LINGO2: variants seen among roughly 807,000 people sequenced by gnomAD.
LINGO2 encodes leucine rich repeat and Ig domain containing 2, also known as leucine-rich repeat and immunoglobulin-like domain-containing nogo receptor-interacting protein 2.
Under a neutral mutation model 30.6 loss-of-function variants are expected in LINGO2, and 14 were observed. That is an observed-to-expected ratio of 0.46 (90% CI 0.30 to 0.72). The LOEUF (loss-of-function observed/expected upper bound fraction) is 0.72. Among genes scored for constraint, LINGO2 ranks in the 30% least tolerant of loss-of-function variants. The probability of loss-of-function intolerance (pLI) is 0.07; values close to 1 mark genes in which losing one functional copy is unlikely to be tolerated. For missense variants in LINGO2, 729 were observed against 751.7 expected (o/e 0.97, Z 0.35); for synonymous variants, 317 against 288.5 (o/e 1.10, Z -1.00).
intron 3 of LINGO2, among the ~76,000 whole-genome samples, chr9:28,300,882 G>GT (rs1397548909): frequency 6.7e-6 from 1 of 150,302 alleles, no homozygotes; most frequent in African/African-American, 2.5e-5. Context: ...CATTGAACAT[G>GT]TCAGAACATG....
chr9:28,807,802 A>G, the LINGO2 span, among the ~76,000 whole-genome samples: 1 of 152,146 alleles, frequency 6.6e-6, no homozygotes, highest in Non-Finnish European at 1.5e-5. Flanking sequence ...ATAATTATCA[A>G]TTTACCAATT....
At chr9:29,035,357 A>G in the LINGO2 span, among the ~76,000 whole-genome samples, 1 of 151,972 alleles carries the variant, frequency 6.6e-6, no homozygotes, top group African/African-American at 2.4e-5. Context: ...CTATCTTTTC[A>G]TTTAGTTTGA....
At chr9:28,047,186 T>C (rs1405600334) in intron 4 of LINGO2, among the ~76,000 whole-genome samples, 2 of 152,122 alleles carry the variant, frequency 1.3e-5, no homozygotes, top group Non-Finnish European at 2.9e-5. Context: ...GTACTTCGTC[T>C]TTCGGCCACT....
At chr9:29,113,109 T>C in the LINGO2 span, among the ~76,000 whole-genome samples, 3 of 152,348 alleles carry the variant, frequency 2.0e-5, no homozygotes, top group Middle Eastern at 3.4e-3. Flanking sequence ...AAAAAGTTCA[T>C]GGAAAACGCA....
At chr9:28,458,103 G>T (rs983118272) in intron 2 of LINGO2, among the ~76,000 whole-genome samples, 1 of 152,130 alleles carries the variant, frequency 6.6e-6, no homozygotes, top group Admixed American at 6.6e-5. Context: ...TTTAGGAATT[G>T]GTGGGACTAC....
At chr9:28,356,975 A>T (rs1422095412) in intron 3 of LINGO2, among the ~76,000 whole-genome samples, 1 of 152,064 alleles carries the variant, frequency 6.6e-6, no homozygotes, top group East Asian at 1.9e-4. Context: ...TTCAAAGTAA[A>T]AATGTTTATT....
the LINGO2 span, among the ~76,000 whole-genome samples, chr9:29,070,229 G>A: frequency 6.6e-6 from 1 of 152,048 alleles, no homozygotes; most frequent in African/African-American, 2.4e-5. Context: ...CTAACAAATT[G>A]TGGCAAGAGA....
chr9:28,836,645 T>G, the LINGO2 span, among the ~76,000 whole-genome samples: 4 of 152,068 alleles, frequency 2.6e-5, no homozygotes, highest in East Asian at 1.9e-4. Flanking sequence ...TTTAAAATTT[T>G]TATTCAATAT....
intron 5 of LINGO2, among the ~76,000 whole-genome samples, chr9:27,962,079 T>A (rs1195588344): frequency 6.6e-6 from 1 of 152,178 alleles, no homozygotes; most frequent in African/African-American, 2.4e-5. Flanking sequence ...GCTTTTAGAA[T>A]TTCTTTGGTA....
the LINGO2 span, among the ~76,000 whole-genome samples, chr9:28,895,804 T>C: frequency 6.6e-6 from 1 of 151,984 alleles, no homozygotes; most frequent in Non-Finnish European, 1.5e-5. Context: ...TTATGTTACT[T>C]AGATATAAGA....
the LINGO2 span, among the ~76,000 whole-genome samples, chr9:28,825,563 ATC>A: frequency 4.8e-3 from 278 of 58,166 alleles, no homozygotes; most frequent in South Asian, 0.022. Flanking sequence ...GCTCATTTGT[ATC>A]TGGTTTTTTT....
intron 4 of LINGO2, among the ~76,000 whole-genome samples, chr9:28,105,917 C>T (rs1826576893): frequency 6.6e-6 from 1 of 151,970 alleles, no homozygotes; most frequent in Non-Finnish European, 1.5e-5. Flanking sequence ...AATCAGGGGT[C>T]CCCAGTACCC....
chr9:29,166,364 A>C, the LINGO2 span, among the ~76,000 whole-genome samples: 2 of 152,102 alleles, frequency 1.3e-5, no homozygotes, highest in African/African-American at 4.8e-5. Context: ...TAGGTGGGTA[A>C]GCAAGTAGGT....
intron 1 of LINGO2, among the ~76,000 whole-genome samples, chr9:28,514,161 C>T (rs551703505): frequency 2.0e-5 from 3 of 152,196 alleles, no homozygotes; most frequent in Non-Finnish European, 4.4e-5. Flanking sequence ...GGCTGCTCCA[C>T]TGAAAAGCCA....
At chr9:28,307,969 T>C (rs1824439107) in intron 3 of LINGO2, among the ~76,000 whole-genome samples, 1 of 151,782 alleles carries the variant, frequency 6.6e-6, no homozygotes, top group South Asian at 2.1e-4. Context: ...TGCTCATGGG[T>C]AGGAAGAATC....
At chr9:28,991,287 AAATG>A in the LINGO2 span, among the ~76,000 whole-genome samples, 322 of 151,708 alleles carry the variant, frequency 2.1e-3, no homozygotes, top group Non-Finnish European at 3.9e-3. Flanking sequence ...GAAATGAATG[AAATG>A]AAGCGAGAAG....
chr9:29,155,188 T>C, the LINGO2 span, among the ~76,000 whole-genome samples: 1 of 152,166 alleles, frequency 6.6e-6, no homozygotes, highest in East Asian at 1.9e-4. Context: ...GAAGAAATAA[T>C]GCCCTTAAGG....
At chr9:28,522,048 A>G (rs1564263600) in intron 1 of LINGO2, among the ~76,000 whole-genome samples, 1 of 152,188 alleles carries the variant, frequency 6.6e-6, no homozygotes. Context: ...ATAAATTTCT[A>G]TTTTTTAAGT....
chr9:28,262,831 CA>C (rs1334464250), intron 4 of LINGO2, among the ~76,000 whole-genome samples: 3 of 151,934 alleles, frequency 2.0e-5, no homozygotes, highest in African/African-American at 4.8e-5. Context: ...CCATGAACTT[CA>C]ATTTTCAGTA....
Sources: gnomAD v4.1 joint callset for allele counts (sites outside exome capture counted in the v4.1 genomes callset) on GRCh38, gnomAD v4.1.1 for gene constraint, MANE v1.5 for transcripts, NCBI Gene and HGNC (gene_info 2026-07-23, HGNC 2026-07-21) for gene names.